Variants in NYAP2 observed in about 807,000 individuals in gnomAD.
NYAP2 encodes neuronal tyrosine-phosphorylated phosphoinositide-3-kinase adaptor 2, also known as neuronal tyrosine-phosphorylated phosphoinositide-3-kinase adapter 2.
In NYAP2, 23 loss-of-function variants were observed where a neutral mutation model predicts 50.4. That is an observed-to-expected ratio of 0.46 (90% CI 0.33 to 0.65). The LOEUF is 0.65. NYAP2 is among the 30% of genes least tolerant of loss of function. NYAP2 has a pLI of 0.02. For synonymous variants in NYAP2, 394 were observed against 365.2 expected, an observed-to-expected ratio of 1.08 and a Z score of -0.90; for missense variants, 885 against 861.0, an observed-to-expected ratio of 1.03 and a Z score of -0.35.
chr2:225,517,790 T>G (rs1393330337), intron 4 of NYAP2, among the ~76,000 whole-genome samples: 1 of 152,150 alleles, frequency 6.6e-6, no homozygotes. Flanking sequence ...CCACTTTGCA[T>G]GTTAGAGCCT....
At chr2:225,486,852 A>T (rs1690309225) in intron 3 of NYAP2, among the ~76,000 whole-genome samples, 1 of 152,202 alleles carries the variant, frequency 6.6e-6, no homozygotes, top group Non-Finnish European at 1.5e-5. Context: ...CTCCCTACAG[A>T]TCTGAGTTCC....
At chr2:225,622,559 T>TTCTTTCTTTCTTTC (rs767090288) in intron 5 of NYAP2, among the ~76,000 whole-genome samples, 6 of 56,842 alleles carry the variant, frequency 1.1e-4, no homozygotes, top group East Asian at 5.0e-4. Context: ...CTTTCTTTCT[T>TTCTTTCTTTCTTTC]TTTCTTTCTT....
intron 3 of NYAP2, among the ~76,000 whole-genome samples, chr2:225,424,269 T>C (rs1018372690): frequency 6.6e-6 from 1 of 152,128 alleles, no homozygotes; most frequent in Non-Finnish European, 1.5e-5. Flanking sequence ...TTCTGAGGTA[T>C]AAGTAAGTCA....
chr2:225,591,894 A>G (rs2106236046), intron 5 of NYAP2, among the ~76,000 whole-genome samples: 1 of 152,286 alleles, frequency 6.6e-6, no homozygotes, highest in African/African-American at 2.4e-5. Flanking sequence ...ATTGGCATCA[A>G]TTTAGGAAGG....
chr2:225,559,664 T>C (rs547337364), intron 4 of NYAP2, among the ~76,000 whole-genome samples: 4 of 152,204 alleles, frequency 2.6e-5, no homozygotes, highest in South Asian at 2.1e-4. Flanking sequence ...ATGGAAGGAA[T>C]TTTAAAAGCT....
At chr2:225,547,086 C>T (rs1691598278) in intron 4 of NYAP2, among the ~76,000 whole-genome samples, 1 of 152,106 alleles carries the variant, frequency 6.6e-6, no homozygotes. Flanking sequence ...CCTCTTTACT[C>T]TTCCCTCTCC....
the NYAP2 span, among the ~76,000 whole-genome samples, chr2:225,683,262 C>T: frequency 1.2e-4 from 19 of 152,044 alleles, no homozygotes; most frequent in Non-Finnish European, 2.4e-4. Flanking sequence ...GAGAATAATG[C>T]CATGACCCAC....
At chr2:225,563,977 T>C (rs1227725201) in intron 4 of NYAP2, among the ~76,000 whole-genome samples, 1 of 152,164 alleles carries the variant, frequency 6.6e-6, no homozygotes, top group African/African-American at 2.4e-5. Context: ...TGAACTGTAA[T>C]GTCTCTCTCC....
At chr2:225,637,486 C>G (rs1447143510) in intron 6 of NYAP2, among the ~76,000 whole-genome samples, 1 of 152,204 alleles carries the variant, frequency 6.6e-6, no homozygotes, top group Non-Finnish European at 1.5e-5. Context: ...CACATCTGCT[C>G]TCCTTTCCAG....
At chr2:225,639,070 A>AT in intron 6 of NYAP2, among the ~76,000 whole-genome samples, 1 of 151,974 alleles carries the variant, frequency 6.6e-6, no homozygotes, top group East Asian at 1.9e-4. Flanking sequence ...AGTGAAAAAA[A>AT]AAAGTCTTGG....
At chr2:225,669,491 A>T in the NYAP2 span, among the ~76,000 whole-genome samples, 3 of 152,158 alleles carry the variant, frequency 2.0e-5, no homozygotes, top group African/African-American at 7.2e-5. Context: ...TAGAGATAAA[A>T]CTGGCAGCTT....
chr2:225,648,520 T>C (rs1302192113), intron 6 of NYAP2, among the ~76,000 whole-genome samples: 1 of 151,470 alleles, frequency 6.6e-6, no homozygotes. Flanking sequence ...TATGGGGAGG[T>C]TTCTGAGATG....
At chr2:225,695,019 G>A in the NYAP2 span, among the ~76,000 whole-genome samples, 2 of 151,436 alleles carry the variant, frequency 1.3e-5, no homozygotes, top group African/African-American at 4.9e-5. Context: ...ACTATTTAAT[G>A]CAAAATAAAA....
intron 3 of NYAP2, among the ~76,000 whole-genome samples, chr2:225,453,917 T>C (rs566110189): frequency 5.9e-5 from 9 of 151,334 alleles, no homozygotes; most frequent in Non-Finnish European, 1.3e-4. Context: ...CCTCAAATGA[T>C]CTTCCTGCCT....
At chr2:225,651,785 C>G in exon 7 of NYAP2, 1 of 538,982 alleles carries the variant, frequency 1.9e-6, no homozygotes, top group South Asian at 2.5e-5. Context: ...GTTTTTGTCT[C>G]TGGTTTCCAT....
intron 3 of NYAP2, among the ~76,000 whole-genome samples, chr2:225,438,015 C>G (rs908699860): frequency 6.6e-6 from 1 of 152,214 alleles, no homozygotes; most frequent in African/African-American, 2.4e-5. Context: ...TGCCCTCTCT[C>G]TCTCTCTGAA....
chr2:225,498,167 G>A (rs543876636), intron 3 of NYAP2, among the ~76,000 whole-genome samples: 48 of 151,968 alleles, frequency 3.2e-4, no homozygotes, highest in African/African-American at 1.1e-3. Flanking sequence ...TGCCATGGGA[G>A]ATAAAGGAAA....
At chr2:225,628,315 G>GTTTTTTT (rs543647777) in intron 6 of NYAP2, among the ~76,000 whole-genome samples, 9 of 109,416 alleles carry the variant, frequency 8.2e-5, no homozygotes, top group Admixed American at 9.9e-5. Context: ...AGAACACATA[G>GTTTTTTT]TTTTTTTTTT....
intron 3 of NYAP2, among the ~76,000 whole-genome samples, chr2:225,497,168 C>G (rs1690521434): frequency 6.6e-6 from 1 of 152,080 alleles, no homozygotes; most frequent in African/African-American, 2.4e-5. Context: ...TGCATTGTTC[C>G]CAGAAAGCTA....
Sources: gnomAD v4.1 joint callset for allele counts (sites outside exome capture counted in the v4.1 genomes callset) on GRCh38, gnomAD v4.1.1 for gene constraint, MANE v1.5 for transcripts, NCBI Gene and HGNC (gene_info 2026-07-23, HGNC 2026-07-21) for gene names.